Variants in UBE2E2 observed in about 807,000 individuals in gnomAD.
The protein encoded by UBE2E2 is ubiquitin conjugating enzyme E2 E2, also known as ubiquitin-conjugating enzyme E2 E2.
A neutral mutation model predicts 24.7 loss-of-function variants in UBE2E2; 6 were observed. The ratio of observed to expected loss-of-function variants is 0.24; its 90% CI spans 0.13 to 0.48. The LOEUF (loss-of-function observed/expected upper bound fraction) is 0.48, where lower values mean the gene tolerates loss of function less well. UBE2E2 is among the 20% of genes least tolerant of loss of function. UBE2E2 has a pLI of 0.99. For synonymous variants in UBE2E2, 104 were observed against 83.6 expected (o/e 1.24, Z -1.33); for missense variants, 169 against 245.0 (o/e 0.69, Z 2.07).
intron 3 of UBE2E2, among the ~76,000 whole-genome samples, chr3:23,299,283 T>C (rs1559338589): frequency 6.6e-6 from 1 of 152,232 alleles, no homozygotes; most frequent in Non-Finnish European, 1.5e-5. Context: ...CTCTATTTCC[T>C]TCAGTTCTGC....
At chr3:23,302,705 T>C (rs1268313099) in intron 3 of UBE2E2, among the ~76,000 whole-genome samples, 1 of 152,264 alleles carries the variant, frequency 6.6e-6, no homozygotes, top group African/African-American at 2.4e-5. Context: ...AAATTAGATC[T>C]GTCAGTTAAT....
chr3:23,210,677 AG>A (rs1696298221), intron 2 of UBE2E2, among the ~76,000 whole-genome samples: 1 of 152,228 alleles, frequency 6.6e-6, no homozygotes, highest in East Asian at 1.9e-4. Flanking sequence ...GTATGTGCAG[AG>A]CGCAGCGCAG....
intron 3 of UBE2E2, among the ~76,000 whole-genome samples, chr3:23,257,524 C>A (rs1164523786): frequency 1.4e-4 from 7 of 49,722 alleles, no homozygotes; most frequent in South Asian, 1.2e-3. Context: ...CCCCCCCCCC[C>A]CCCCACTTTT....
intron 5 of UBE2E2, among the ~76,000 whole-genome samples, chr3:23,570,065 A>C (rs1246665224): frequency 6.6e-6 from 1 of 152,140 alleles, no homozygotes; most frequent in East Asian, 1.9e-4. Context: ...AACCTGGTCC[A>C]TTTTTAAACT....
At position 23,541,962 on chromosome 3, in the gene UBE2E2, CA is replaced by C. The variant is rs1477876961; in HGVS notation, c.508+9262del. Among the ~76,000 whole-genome samples the C allele has an allele frequency of 7.9e-5, 12 of 152,278 alleles. 1 individual carries two copies. In the South Asian group the frequency reaches 2.5e-3, roughly 32 times the overall value. ...TCCTGTGATGGAAAAAATGTTCATA[CA>C]CAGACTAATTTAAATACATAAGGGA... On this transcript the variant is annotated intron_variant, in intron 5 of 5. Transcript: ENST00000396703.
intron 3 of UBE2E2, among the ~76,000 whole-genome samples, chr3:23,458,692 C>T (rs1698738171): frequency 6.6e-6 from 1 of 152,082 alleles, no homozygotes; most frequent in South Asian, 2.1e-4. Flanking sequence ...GCTAGGATTA[C>T]AGGTGTGAGC....
At chr3:23,227,142 A>G (rs1246639506) in intron 3 of UBE2E2, among the ~76,000 whole-genome samples, 1 of 152,178 alleles carries the variant, frequency 6.6e-6, no homozygotes, top group Non-Finnish European at 1.5e-5. Flanking sequence ...ATTTGTCTCT[A>G]TGGCCTCTAC....
chr3:23,496,501 C>T (rs1427542877), intron 3 of UBE2E2, among the ~76,000 whole-genome samples: 1 of 152,060 alleles, frequency 6.6e-6, no homozygotes, highest in Non-Finnish European at 1.5e-5. Flanking sequence ...GTATATGTCC[C>T]TGTTTGCTTG....
At chr3:23,230,215 A>G (rs1162150585) in intron 3 of UBE2E2, among the ~76,000 whole-genome samples, 1 of 152,204 alleles carries the variant, frequency 6.6e-6, no homozygotes, top group Non-Finnish European at 1.5e-5. Flanking sequence ...TCAAAATGAA[A>G]GCAATATTGC....
chr3:23,262,540 A>G (rs1369328468), intron 3 of UBE2E2, among the ~76,000 whole-genome samples: 1 of 151,962 alleles, frequency 6.6e-6, no homozygotes, highest in Non-Finnish European at 1.5e-5. Flanking sequence ...TTGGTGTCCT[A>G]GAGCACTGGG....
chr3:23,340,888 G>T (rs1695365685), intron 3 of UBE2E2, among the ~76,000 whole-genome samples: 1 of 152,120 alleles, frequency 6.6e-6, no homozygotes, highest in African/African-American at 2.4e-5. Context: ...TCATCCTTCT[G>T]TTGTGTTTCC....
intron 5 of UBE2E2, among the ~76,000 whole-genome samples, chr3:23,576,995 C>T (rs1356763266): frequency 6.6e-6 from 1 of 151,868 alleles, no homozygotes; most frequent in Non-Finnish European, 1.5e-5. Context: ...ACAGCGTGTG[C>T]TCTTTCATGT....
rs1696096383 is a variant in UBE2E2, at chr3:23,204,619, G to A, written c.-9+1155G>A. On this transcript the variant is annotated intron_variant, in intron 1 of 5. Transcript: ENST00000396703. The stretch of plus-strand genomic sequence containing the variant: ...ATGCTCCTTGGCTCTTTGGAATTCT[G>A]TATGTGGGCTGACGCTGAAATAGAG... The A allele has an allele frequency of 4.4e-6, 4 of 914,800 alleles. No homozygotes were observed. In the Admixed American group the frequency reaches 2.5e-4, roughly 57 times the overall value. The allele number at this position is 914,800 out of a possible 1,614,324, so 56.7% of individuals were successfully genotyped here.
At chr3:23,366,775 AAAG>A (rs1373390504) in intron 3 of UBE2E2, among the ~76,000 whole-genome samples, 4 of 152,322 alleles carry the variant, frequency 2.6e-5, no homozygotes, top group African/African-American at 7.2e-5. Context: ...AAGTTAAAAA[AAAG>A]AAGAAAAAAA....
chr3:23,239,817 T>C (rs978320617), intron 3 of UBE2E2, among the ~76,000 whole-genome samples: 5 of 152,186 alleles, frequency 3.3e-5, no homozygotes, highest in Non-Finnish European at 7.3e-5. Context: ...ATTTGGACTT[T>C]GAGTAGAAAG....
chr3:23,304,519 GT>G (rs1393986606), intron 3 of UBE2E2, among the ~76,000 whole-genome samples: 2 of 152,116 alleles, frequency 1.3e-5, no homozygotes, highest in African/African-American at 4.8e-5. Context: ...CTTGTTTACA[GT>G]TTTGCCAGTC....
At chr3:23,334,557 T>C (rs1025861798) in intron 3 of UBE2E2, among the ~76,000 whole-genome samples, 1 of 152,224 alleles carries the variant, frequency 6.6e-6, no homozygotes, top group Non-Finnish European at 1.5e-5. Context: ...GAAGAAATTA[T>C]AACTATAATT....
chr3:23,327,823 G>A (rs1694944380), intron 3 of UBE2E2, among the ~76,000 whole-genome samples: 1 of 152,194 alleles, frequency 6.6e-6, no homozygotes, highest in Non-Finnish European at 1.5e-5. Context: ...AGGAGTTGGT[G>A]TTGTCTAGGA....
intron 4 of UBE2E2, among the ~76,000 whole-genome samples, chr3:23,505,047 A>G (rs1694407158): frequency 6.7e-6 from 1 of 149,750 alleles, no homozygotes; most frequent in African/African-American, 2.5e-5. Flanking sequence ...CTGGGACTAC[A>G]GGCACACACC....
Sources: gnomAD v4.1 joint callset for allele counts (sites outside exome capture counted in the v4.1 genomes callset) on GRCh38, gnomAD v4.1.1 for gene constraint, MANE v1.5 for transcripts, NCBI Gene and HGNC (gene_info 2026-07-23, HGNC 2026-07-21) for gene names.